PARP11: variants seen among roughly 807,000 people sequenced by gnomAD.
PARP11 encodes protein mono-ADP-ribosyltransferase PARP11.
A neutral mutation model predicts 42.9 loss-of-function variants in PARP11; 31 were observed. The observed-to-expected ratio is 0.72, with a 90% CI of 0.54 to 0.98. PARP11 has a LOEUF of 0.98. Ranked by LOEUF, PARP11 falls within the 50% of genes least tolerant of loss-of-function variation. PARP11 has a pLI of 0.00. For synonymous variants in PARP11, 137 were observed against 127.3 expected (o/e 1.08, Z -0.51); for missense variants, 365 against 413.1 (o/e 0.88, Z 1.01).
intron 1 of PARP11, chr12:3,871,812 A>G (rs554815154): frequency 6.6e-6 from 1 of 152,322 alleles, no homozygotes; most frequent in East Asian, 1.9e-4. Context: ...ACACTTTGGC[A>G]TGCTGAATAC....
chr12:3,816,922 A>T (rs1947299639), intron 6 of PARP11, among the ~76,000 whole-genome samples: 1 of 152,098 alleles, frequency 6.6e-6, no homozygotes, highest in African/African-American at 2.4e-5. Context: ...CCAGGCGCAG[A>T]GGCTCACGCC....
At chr12:3,838,904 G>A (rs1947822853) in intron 1 of PARP11, among the ~76,000 whole-genome samples, 1 of 152,302 alleles carries the variant, frequency 6.6e-6, no homozygotes, top group East Asian at 1.9e-4. Flanking sequence ...GCGCGCCTGG[G>A]GCGGGGCTTT....
intron 1 of PARP11, chr12:3,872,811 A>T (rs1948514294): frequency 1.0e-6 from 1 of 985,288 alleles, no homozygotes; most frequent in Non-Finnish European, 1.2e-6. Context: ...AAAACAGTGA[A>T]GGCAGTCGGG....
intron 1 of PARP11, among the ~76,000 whole-genome samples, chr12:3,858,539 C>T (rs1210431186): frequency 6.6e-6 from 1 of 152,276 alleles, no homozygotes; most frequent in African/African-American, 2.4e-5. Context: ...CTTCCTCGCC[C>T]CTATAGGAGC....
In PARP11 at chr12:3,812,202, T is replaced by C. The variant is rs1487647947; in HGVS notation, c.938A>G (p.Asp313Gly). Reference sequence around the variant, plus strand: ...AAAGATCTTTGGGTTCCAGGTATCATCCACACAGCTGTCATATAAATTCAC... The same window carrying C: ...AAAGATCTTTGGGTTCCAGGTATCACCCACACAGCTGTCATATAAATTCAC... ...SYVNLYDSCV[D>G]DTWNPKIFVV... The change falls in exon 8 of 8, where the codon GAT (aspartate) becomes GGT (glycine). Residue 313 changes from aspartate to glycine, a missense_variant. By Grantham distance (94) the Asp-to-Gly change is moderately conservative. Coordinates refer to ENST00000228820, the MANE Select transcript of PARP11 (RefSeq NM_020367.6). 3 of 1,614,154 alleles carry C rather than the reference T, an allele frequency of 1.9e-6. No homozygotes were observed. The highest frequency in any genetic ancestry group is 2.5e-6 in the Non-Finnish European group (3 of 1,180,008).
chr12:3,828,635 T>G (rs1302635813), intron 3 of PARP11, among the ~76,000 whole-genome samples: 1 of 152,112 alleles, frequency 6.6e-6, no homozygotes, highest in Non-Finnish European at 1.5e-5. Flanking sequence ...TGATACGGTG[T>G]TTTGTGTTCC....
intron 1 of PARP11, among the ~76,000 whole-genome samples, chr12:3,837,482 A>ACCC: frequency 6.6e-6 from 1 of 152,370 alleles, no homozygotes; most frequent in South Asian, 2.1e-4. Context: ...AATGAGTTAA[A>ACCC]ACATACGACC....
chr12:3,824,610 T>C (rs1947477083), intron 4 of PARP11: 3 of 983,074 alleles, frequency 3.1e-6, no homozygotes, highest in Non-Finnish European at 3.6e-6. Flanking sequence ...TATTATTATC[T>C]TGCTTATTGT....
chr12:3,857,173 T>C (rs999965908), intron 1 of PARP11, among the ~76,000 whole-genome samples: 4 of 151,914 alleles, frequency 2.6e-5, no homozygotes, highest in African/African-American at 9.7e-5. Context: ...AAATACCTAA[T>C]GTAAATGACG....
intron 6 of PARP11, among the ~76,000 whole-genome samples, chr12:3,819,038 A>C (rs1947344816): frequency 6.6e-6 from 1 of 151,772 alleles, no homozygotes; most frequent in Non-Finnish European, 1.5e-5. Flanking sequence ...AGTCTACACC[A>C]CTCTTCTCAA....
chr12:3,822,702 ATTTCAAAAACAGTTGC>A (rs1453650790), intron 4 of PARP11, among the ~76,000 whole-genome samples: 4 of 152,084 alleles, frequency 2.6e-5, no homozygotes, highest in Admixed American at 6.5e-5. Context: ...TATCATAAAA[ATTTCAAAAACAGTTGC>A]TTAGTTCTGT....
intron 1 of PARP11, among the ~76,000 whole-genome samples, chr12:3,849,875 T>C (rs1175777149): frequency 6.6e-6 from 1 of 152,206 alleles, no homozygotes; most frequent in Non-Finnish European, 1.5e-5. Context: ...AGATATCCTA[T>C]TACCCTGATT....
intron 1 of PARP11, among the ~76,000 whole-genome samples, chr12:3,845,308 G>C (rs1217731141): frequency 6.6e-6 from 1 of 152,132 alleles, no homozygotes; most frequent in East Asian, 1.9e-4. Context: ...CTCAGACCCT[G>C]CCTTGTCCTG....
intron 1 of PARP11, 123 bp downstream of exon 1, chr12:3,873,089 C>T: frequency 1.0e-6 from 1 of 965,548 alleles, no homozygotes; most frequent in Non-Finnish European, 1.6e-6. Flanking sequence ...CCCGGGAACT[C>T]CGGTCCCGGA....
rs552322207 is a variant in PARP11 at position 3,859,288 on chromosome 12, G to A, written c.18+13924C>T. Among the ~76,000 whole-genome samples, 35 of 152,066 alleles carry A rather than the reference G, an allele frequency of 2.3e-4. No homozygotes were observed. The South Asian group carries it at 7.1e-3, about 31-fold the overall frequency. The stretch of plus-strand genomic sequence containing the variant: ...AAAAGTAAAATGGCAGATGTAGGCC[G>A]GTGCAGTGGCTCACGTCTGTAATCC... On this transcript the variant is annotated intron_variant, in intron 1 of 7. Coordinates refer to ENST00000228820, the MANE Select transcript of PARP11 (RefSeq NM_020367.6).
intron 7 of PARP11, among the ~76,000 whole-genome samples, chr12:3,813,060 C>T (rs1006670834): frequency 2.0e-5 from 3 of 152,198 alleles, no homozygotes; most frequent in African/African-American, 7.2e-5. Flanking sequence ...CTGCCTCGAC[C>T]TCCCAAACTG....
chr12:3,833,204 A>G (rs1056258423), intron 1 of PARP11, among the ~76,000 whole-genome samples: 1 of 152,234 alleles, frequency 6.6e-6, no homozygotes, highest in Non-Finnish European at 1.5e-5. Flanking sequence ...TTGCCTCTAC[A>G]TATAAAGAAG....
chr12:3,834,648 A>AG (rs944768518), intron 1 of PARP11, among the ~76,000 whole-genome samples: 4 of 151,740 alleles, frequency 2.6e-5, no homozygotes, highest in African/African-American at 9.7e-5. Flanking sequence ...AAAAAAAAAA[A>AG]AAAGAAAGAA....
intron 1 of PARP11, among the ~76,000 whole-genome samples, chr12:3,867,008 A>C (rs1302568434): frequency 6.6e-6 from 1 of 152,252 alleles, no homozygotes; most frequent in African/African-American, 2.4e-5. Context: ...TATATAAGGT[A>C]AAAGTACTCA....
Sources: gnomAD v4.1 joint callset for allele counts (sites outside exome capture counted in the v4.1 genomes callset) on GRCh38, gnomAD v4.1.1 for gene constraint, MANE v1.5 for transcripts, NCBI Gene and HGNC (gene_info 2026-07-23, HGNC 2026-07-21) for gene names.